PHLDB2: variants seen among roughly 807,000 people sequenced by gnomAD.
PHLDB2 encodes pleckstrin homology-like domain family B member 2.
PHLDB2 carries 71 observed loss-of-function variants against 123.6 expected under a neutral mutation model. That is an observed-to-expected ratio of 0.57 (90% CI 0.47 to 0.70). PHLDB2 has a LOEUF of 0.70. Among genes scored for constraint, PHLDB2 ranks in the 30% least tolerant of loss-of-function variants. The pLI, the probability that PHLDB2 is intolerant of heterozygous loss-of-function variation, is 0.00. For missense variants in PHLDB2, 1,446 were observed against 1,519.5 expected, an observed-to-expected ratio of 0.95 and a Z score of 0.80; for synonymous variants, 547 against 541.6, an observed-to-expected ratio of 1.01 and a Z score of -0.14.
intron 1 of PHLDB2, among the ~76,000 whole-genome samples, chr3:111,732,984 G>A (rs1197250914): frequency 3.3e-5 from 5 of 152,078 alleles, no homozygotes; most frequent in South Asian, 2.1e-4. Flanking sequence ...TTATATGTGC[G>A]ATTTATTAAA....
Position 111,822,317 on chromosome 3 carries a change from G to GTGTGTGTGTGTGTGTGTGTATA in PHLDB2, c.-48-23503_-48-23502insGTGTGTGTGTGTGTGTGTATAT, listed in dbSNP as rs1553734228. ...TGTATGTGTGTGTGTGTGTGTGTGT[G>GTGTGTGTGTGTGTGTGTGTATA]TATATATATATATATAATGGTACAC... On this transcript the variant is annotated intron_variant, in intron 1 of 17. Coordinates refer to the PHLDB2 transcript ENST00000393923. Among the ~76,000 whole-genome samples, 281 of 147,884 alleles carry GTGTGTGTGTGTGTGTGTGTATA rather than the reference G, an allele frequency of 1.9e-3. 2 individuals carry two copies. Among genetic ancestry groups the GTGTGTGTGTGTGTGTGTGTATA allele is most frequent in the African/African-American group, 6.7e-3 (263 of 39,400 alleles).
chr3:111,755,454 A>G (rs1219091441), intron 1 of PHLDB2, among the ~76,000 whole-genome samples: 1 of 139,844 alleles, frequency 7.2e-6, no homozygotes, highest in Non-Finnish European at 1.5e-5. Context: ...TGTTTGTAGT[A>G]TTCTCTGATG....
intron 1 of PHLDB2, among the ~76,000 whole-genome samples, chr3:111,800,062 T>A (rs765489337): frequency 3.3e-5 from 5 of 152,148 alleles, no homozygotes; most frequent in Non-Finnish European, 5.9e-5. Context: ...TTGAGTGTGG[T>A]GGCACAATCA....
chr3:111,935,626 G>C (rs1004937518), intron 6 of PHLDB2, among the ~76,000 whole-genome samples: 4 of 152,162 alleles, frequency 2.6e-5, no homozygotes, highest in Admixed American at 6.5e-5. Context: ...AGGAGAGCCA[G>C]TCCAAGTCTC....
rs539911416 is a variant in PHLDB2, at chr3:111,885,125, G to A, written c.1048G>A (p.Ala350Thr). 6.9e-5 allele frequency: 110 copies of A among 1,598,500 alleles called. No individual in the cohort carries two copies. In the South Asian group the frequency reaches 1.3e-3, roughly 19 times the overall value. ...GCTTCTGGCCTCCACCTCCTCCTGT[G>A]CCTCTGATGACTTTGATCAGGCTTC... ...KMLLASTSSC[A>T]SDDFDQASYV... Residue 350 changes from alanine (A) to threonine (T), a missense_variant, in exon 2 of 18, where the codon GCC becomes ACC. Coordinates refer to ENST00000431670, the MANE Select transcript of PHLDB2 (RefSeq NM_001134438.2).
chr3:111,742,556 C>T (rs998057644), intron 1 of PHLDB2, among the ~76,000 whole-genome samples: 2 of 151,606 alleles, frequency 1.3e-5, no homozygotes, highest in African/African-American at 4.9e-5. Flanking sequence ...TGAGAAAATG[C>T]GGTGTTTGGT....
In PHLDB2 at chr3:111,859,515, C is replaced by T. The variant is rs2064686125; in HGVS notation, c.-76C>T. The T allele has an allele frequency of 5.1e-6, 5 of 985,622 alleles. No homozygotes were observed. Among genetic ancestry groups the T allele is most frequent in the Non-Finnish European group, 6.0e-6 (5 of 830,082 alleles). 61.1% of individuals were successfully genotyped at this position (985,622 alleles called of 1,614,324 possible). A position where few individuals can be genotyped will look rare whatever the true frequency, so the allele number is the denominator to read the frequency against. On this transcript the variant is annotated 5_prime_UTR_variant, in exon 1 of 18. Coordinates refer to ENST00000431670, the MANE Select transcript of PHLDB2 (RefSeq NM_001134438.2). The stretch of plus-strand genomic sequence containing the variant: ...ACCCGACGGGGGCCCGACGGTGTGG[C>T]GTGGCGCAAGGAGCGCGCCTGCCTT...
intron 1 of PHLDB2, among the ~76,000 whole-genome samples, chr3:111,737,105 C>T (rs756408306): frequency 3.3e-5 from 5 of 152,204 alleles, no homozygotes; most frequent in Non-Finnish European, 5.9e-5. Flanking sequence ...TTCAACCCTA[C>T]AGAAACCAGC....
At chr3:111,945,722 C>T (rs1391391175) in intron 9 of PHLDB2, among the ~76,000 whole-genome samples, 3 of 152,054 alleles carry the variant, frequency 2.0e-5, no homozygotes, top group East Asian at 3.8e-4. Flanking sequence ...CCTCCCCTCT[C>T]TTATTTTGCT....
chr3:111,821,481 A>T (rs1319252735), intron 1 of PHLDB2, among the ~76,000 whole-genome samples: 3 of 152,192 alleles, frequency 2.0e-5, no homozygotes, highest in African/African-American at 7.2e-5. Flanking sequence ...GGAAGGTTTG[A>T]TGCTGTAGCT....
intron 1 of PHLDB2, among the ~76,000 whole-genome samples, chr3:111,843,021 T>C (rs2063762216): frequency 6.6e-6 from 1 of 152,262 alleles, no homozygotes; most frequent in Non-Finnish European, 1.5e-5. Flanking sequence ...ATCTGAGTTG[T>C]TTCCATTTTT....
At chr3:111,905,510 C>T (rs778363431) in intron 2 of PHLDB2, among the ~76,000 whole-genome samples, 6 of 152,104 alleles carry the variant, frequency 3.9e-5, no homozygotes, top group Non-Finnish European at 8.8e-5. Context: ...GTGCGTGCCA[C>T]CTCACCCAGC....
At position 111,913,459 on chromosome 3, in the gene PHLDB2, G is replaced by C; in HGVS notation, c.1476G>C (p.Glu492Asp). ...ELEKLQLSDE[E>D]SVFEEALMSP... ...AGAAGCTGCAGCTCTCTGATGAGGA[G>C]TCTGTGTTTGAGGAAGCCCTCATGA... Residue 492 changes from glutamate to aspartate, a missense_variant, in exon 3 of 18, where the codon GAG (glutamate) becomes GAC (aspartate). Physicochemically the swap from Glu to Asp is conservative, Grantham distance 45. Coordinates refer to ENST00000431670, the MANE Select transcript of PHLDB2 (RefSeq NM_001134438.2). 1 of 1,614,146 alleles carries C rather than the reference G, an allele frequency of 6.2e-7. No individual in the cohort carries two copies. The highest frequency in any genetic ancestry group is 8.5e-7 in the Non-Finnish European group (1 of 1,180,020).
At position 111,913,268 on chromosome 3, in the gene PHLDB2, A is replaced by G. The variant is rs767470583; in HGVS notation, c.1336-51A>G. 8 of 1,519,014 alleles carry G rather than the reference A, an allele frequency of 5.3e-6. No individual in the cohort carries two copies. In the South Asian group the frequency reaches 5.3e-5, roughly 10 times the overall value. The allele number at this position is 1,519,014 out of a possible 1,614,324, so 94.1% of individuals were successfully genotyped here. A position where few individuals can be genotyped will look rare whatever the true frequency, so the allele number is the denominator to read the frequency against. On this transcript the variant is annotated intron_variant, in intron 2 of 17. Transcript: ENST00000431670. ...CCTCTTCAGTCTTTTTATTTGGAGT[A>G]GTATTCATTCTCACAAACCCACTGA...
At chr3:111,782,058 C>G (rs1559828546) in intron 1 of PHLDB2, among the ~76,000 whole-genome samples, 1 of 151,984 alleles carries the variant, frequency 6.6e-6, no homozygotes, top group Non-Finnish European at 1.5e-5. Flanking sequence ...TATGTACTGT[C>G]TCAGGAATAT....
chr3:111,737,573 A>G (rs774963068), intron 1 of PHLDB2, among the ~76,000 whole-genome samples: 4 of 152,190 alleles, frequency 2.6e-5, no homozygotes, highest in South Asian at 2.1e-4. Flanking sequence ...AGGGGTTCCC[A>G]GAAAGTAAAA....
chr3:111,871,836 ACAGTTAC>A (rs1227702356), intron 1 of PHLDB2, among the ~76,000 whole-genome samples: 1 of 152,216 alleles, frequency 6.6e-6, no homozygotes, highest in African/African-American at 2.4e-5. Flanking sequence ...TTATTTCAAA[ACAGTTAC>A]CAGAATTGTA....
intron 12 of PHLDB2, among the ~76,000 whole-genome samples, 200 bp downstream of exon 12, chr3:111,954,229 C>T (rs1403152614): frequency 3.9e-5 from 6 of 152,048 alleles, no homozygotes; most frequent in African/African-American, 1.2e-4. Context: ...TAAACATTCC[C>T]GTTGTACTTT....
At chr3:111,952,429 T>C in intron 10 of PHLDB2, 143 bp from the exon 11 acceptor site, 1 of 810,118 alleles carries the variant, frequency 1.2e-6, no homozygotes, top group South Asian at 2.0e-5. Context: ...AATCTATCAG[T>C]GAACACAATA....
Sources: gnomAD v4.1 joint callset for allele counts (sites outside exome capture counted in the v4.1 genomes callset) on GRCh38, gnomAD v4.1.1 for gene constraint, MANE v1.5 for transcripts, NCBI Gene and HGNC (gene_info 2026-07-23, HGNC 2026-07-21) for gene names.